RSF1: variants seen among roughly 807,000 people sequenced by gnomAD.
The protein encoded by RSF1 is remodeling and spacing factor 1.
RSF1 carries 13 observed loss-of-function variants against 145.2 expected under a neutral mutation model. The observed-to-expected ratio is 0.09, with a 90% confidence interval of 0.06 to 0.14. The LOEUF (loss-of-function observed/expected upper bound fraction) is 0.14. Ranked by LOEUF, RSF1 falls within the 10% of genes least tolerant of loss-of-function variation. The pLI is 1.00. For synonymous variants in RSF1, 577 were observed against 592.6 expected (o/e 0.97, Z 0.38); for missense variants, 1,517 against 1,718.2 (o/e 0.88, Z 2.07).
intron 1 of RSF1, among the ~76,000 whole-genome samples, chr11:77,789,710 A>G (rs1466765450): frequency 6.6e-6 from 1 of 152,162 alleles, no homozygotes; most frequent in Non-Finnish European, 1.5e-5. Context: ...GGCCTGGGGA[A>G]TGCCCCGCAC....
chr11:77,662,229 A>C lies in RSF1; in HGVS notation c.*4688T>G, dbSNP rs1202038127. The C allele has an allele frequency of 6.6e-6, 1 of 152,186 alleles. No individual in the cohort carries two copies. The highest frequency in any genetic ancestry group is 1.5e-5 in the Non-Finnish European group (1 of 68,006). The allele number at this position is 152,186 out of a possible 1,614,324, so 9.4% of individuals were successfully genotyped here. ...ATATTTTAAAGTTATTAAAATAAACATCTTCACTAACTGAAACCATTATGA... is the reference window on the plus strand; with the variant it reads ...ATATTTTAAAGTTATTAAAATAAACCTCTTCACTAACTGAAACCATTATGA... On this transcript the variant is annotated 3_prime_UTR_variant, in exon 16 of 16. Transcript: ENST00000308488.
At position 77,664,584 on chromosome 11, in the gene RSF1, G is replaced by A. The variant is rs900535794; in HGVS notation, c.*2333C>T. ...AATAGGTGGAAGAAGGAGCTGGTGT[G>A]TCCAGAGGTAGAGACAGGGCACATG... On this transcript the variant is annotated 3_prime_UTR_variant, in exon 16 of 16. Coordinates refer to ENST00000308488, the MANE Select transcript of RSF1 (RefSeq NM_016578.4). 5 of 152,198 alleles carry A rather than the reference G, an allele frequency of 3.3e-5. No individual in the cohort carries two copies. The highest frequency in any genetic ancestry group is 1.2e-4 in the African/African-American group (5 of 41,454). The allele number at this position is 152,198 out of a possible 1,614,324, so 9.4% of individuals were successfully genotyped here. A position where few individuals can be genotyped will look rare whatever the true frequency, so the allele number is the denominator to read the frequency against.
Position 77,667,377 on chromosome 11 carries a change from T to C in RSF1, c.3866A>G (p.Glu1289Gly), listed in dbSNP as rs1336227821. The change falls in exon 16 of 16, where the codon GAG becomes GGG. Residue 1289 changes from glutamate (E) to glycine (G), a missense_variant. This residue lies in a region of RSF1 where 240 missense variants were observed against 231.8 expected (regional missense o/e 1.04). Coordinates refer to ENST00000308488, the MANE Select transcript of RSF1 (RefSeq NM_016578.4). ...GCGGGATGGTTTGCCTTCCTCTTCC[T>C]CCTCCTCCTCATCTGCTTCTGAATA... is the stretch of plus-strand genomic sequence containing the variant. Reference protein sequence around the residue: ...DEYSEADEEEEEEEGKPSRKR... With the variant: ...DEYSEADEEEGEEEGKPSRKR... 6.2e-7 allele frequency: 1 copy of C among 1,613,764 alleles called. No homozygotes were observed. The highest frequency in any genetic ancestry group is 8.5e-7 in the Non-Finnish European group (1 of 1,179,850).
intron 11 of RSF1, among the ~76,000 whole-genome samples, chr11:77,682,787 C>T (rs947844343): frequency 6.6e-6 from 1 of 152,168 alleles, no homozygotes; most frequent in African/African-American, 2.4e-5. Flanking sequence ...GGGAAAAGAA[C>T]TGGTTGCTAT....
chr11:77,697,039 C>A (rs1011156611), intron 7 of RSF1, among the ~76,000 whole-genome samples: 1 of 152,162 alleles, frequency 6.6e-6, no homozygotes, highest in African/African-American at 2.4e-5. Context: ...TTTACATGAG[C>A]TGTTAAAAAC....
chr11:77,661,992 C>T lies in RSF1; in HGVS notation c.*4925G>A, dbSNP rs527518711. On this transcript the variant is annotated 3_prime_UTR_variant, in exon 16 of 16. Transcript: ENST00000308488. Reference sequence around the variant, plus strand: ...AAATATATACTTAGGATTAACAATTCCATTCTTAACTTACATCATCCAGTG... The same window carrying T: ...AAATATATACTTAGGATTAACAATTTCATTCTTAACTTACATCATCCAGTG... 4 of 152,014 alleles carry T rather than the reference C, an allele frequency of 2.6e-5. No individual in the cohort carries two copies. The highest frequency in any genetic ancestry group is 7.2e-5 in the African/African-American group (3 of 41,404). The allele number at this position is 152,014 out of a possible 1,614,324, so 9.4% of individuals were successfully genotyped here.
intron 1 of RSF1, among the ~76,000 whole-genome samples, chr11:77,771,694 C>T (rs1445217948): frequency 2.0e-5 from 3 of 152,120 alleles, no homozygotes; most frequent in Non-Finnish European, 2.9e-5. Flanking sequence ...ATTGTACTAA[C>T]GCTGAGTGAC....
chr11:77,750,591 C>G (rs1326701479), intron 2 of RSF1, among the ~76,000 whole-genome samples: 1 of 152,180 alleles, frequency 6.6e-6, no homozygotes, highest in East Asian at 1.9e-4. Context: ...CAGAAATTAG[C>G]TGTGTCTATC....
chr11:77,705,300 T>C (rs1419246497), intron 5 of RSF1, among the ~76,000 whole-genome samples: 1 of 152,096 alleles, frequency 6.6e-6, no homozygotes, highest in Non-Finnish European at 1.5e-5. Context: ...AAAGGAAAAA[T>C]TCACTCCAAA....
intron 1 of RSF1, among the ~76,000 whole-genome samples, chr11:77,769,097 G>T (rs759402960): frequency 6.6e-6 from 1 of 151,928 alleles, no homozygotes. Context: ...TCGCTCTGTC[G>T]CCCAGGCTGG....
chr11:77,822,179 C>G (rs370803483), upstream of RSF1, among the ~76,000 whole-genome samples: 43 of 152,052 alleles, frequency 2.8e-4, no homozygotes, highest in African/African-American at 1.0e-3. Context: ...GTGGCTCATG[C>G]CTGTAATCCC....
the RSF1 span, among the ~76,000 whole-genome samples, chr11:77,868,506 G>A: frequency 2.0e-5 from 3 of 151,280 alleles, no homozygotes; most frequent in South Asian, 2.1e-4. Context: ...CTACAGGCAC[G>A]CGCCACCACA....
Position 77,678,234 on chromosome 11 carries a change from T to A in RSF1, c.3066-81A>T. ...TTTAATTATTTTTATTTATTTATTT[T>A]TGAGACGGAGTCTCTCTTTGTTGCC... On this transcript the variant is annotated intron_variant, in intron 11 of 15. Transcript: ENST00000308488. 5.0e-6 allele frequency: 4 copies of A among 798,926 alleles called. No homozygotes were observed. The South Asian group carries it at 8.5e-5, about 17-fold the overall frequency. 49.5% of individuals were successfully genotyped at this position (798,926 alleles called of 1,614,324 possible).
At chr11:77,785,669 T>C (rs1378139605) in intron 1 of RSF1, among the ~76,000 whole-genome samples, 1 of 151,286 alleles carries the variant, frequency 6.6e-6, no homozygotes, top group Non-Finnish European at 1.5e-5. Context: ...AAGAGCAAAT[T>C]GGACAGGCAC....
At chr11:77,690,531 G>C (rs1020024252) in intron 9 of RSF1, among the ~76,000 whole-genome samples, 2 of 152,092 alleles carry the variant, frequency 1.3e-5, no homozygotes, top group African/African-American at 2.4e-5. Flanking sequence ...TTGGCTCACT[G>C]CAACGATTCT....
intron 5 of RSF1, among the ~76,000 whole-genome samples, chr11:77,724,319 C>T (rs1026516850): frequency 1.3e-5 from 2 of 152,082 alleles, no homozygotes; most frequent in Non-Finnish European, 2.9e-5. Context: ...ACAGTATGTG[C>T]TTCCTCAAAA....
At chr11:77,706,611 C>T (rs1030907699) in intron 5 of RSF1, among the ~76,000 whole-genome samples, 2 of 152,042 alleles carry the variant, frequency 1.3e-5, no homozygotes, top group African/African-American at 4.8e-5. Flanking sequence ...GTTAACTCTG[C>T]CTAGTAAGCA....
At chr11:77,796,516 A>G (rs1328658237) in intron 1 of RSF1, among the ~76,000 whole-genome samples, 1 of 152,210 alleles carries the variant, frequency 6.6e-6, no homozygotes, top group African/African-American at 2.4e-5. Flanking sequence ...ATATCTCAAA[A>G]TAATAGCTAT....
At position 77,683,767 on chromosome 11, in the gene RSF1, G is replaced by T. The variant is rs1436300849; in HGVS notation, c.3008C>A (p.Ser1003Tyr). Reference protein sequence around the residue: ...QEEKKKDSKKSKANLLERRST... With the variant: ...QEEKKKDSKKYKANLLERRST... Reference sequence around the variant, plus strand: ...CCTCCTTTCAAGCAAGTTTGCTTTGGATTTTTTTGAATCTTTTTTCTTTTC... The same window carrying T: ...CCTCCTTTCAAGCAAGTTTGCTTTGTATTTTTTTGAATCTTTTTTCTTTTC... Residue 1003 changes from serine to tyrosine, a missense_variant, in exon 11 of 16, where the codon TCC becomes TAC. This residue lies in a region of RSF1 where 231 missense variants were observed against 276.6 expected (regional missense o/e 0.84). Coordinates refer to ENST00000308488, the MANE Select transcript of RSF1 (RefSeq NM_016578.4). The T allele has an allele frequency of 6.2e-7, 1 of 1,613,168 alleles. No homozygotes were observed. The highest frequency in any genetic ancestry group is 1.7e-5 in the Admixed American group (1 of 59,998).
Sources: gnomAD v4.1 joint callset for allele counts (sites outside exome capture counted in the v4.1 genomes callset) on GRCh38, gnomAD v4.1.1 for gene constraint, gnomAD v4.1.1 regional missense constraint, MANE v1.5 for transcripts, NCBI Gene and HGNC (gene_info 2026-07-23, HGNC 2026-07-21) for gene names.